Variants in RMST observed in about 807,000 individuals in gnomAD.
RMST encodes the protein rhabdomyosarcoma 2 associated transcript.
At chr12:97,481,587 C>G (rs994711126) in intron 5 of RMST, among the ~76,000 whole-genome samples, 1 of 151,994 alleles carries the variant, frequency 6.6e-6, no homozygotes, top group Non-Finnish European at 1.5e-5. Context: ...AAATACTACA[C>G]ATGCTATTTT....
intron 11 of RMST, among the ~76,000 whole-genome samples, chr12:97,559,088 T>TTTTCTC (rs111647408): frequency 6.8e-6 from 1 of 146,564 alleles, no homozygotes; most frequent in African/African-American, 2.5e-5. Context: ...ATTTCGAGGT[T>TTTTCTC]TCTCTCTCTC....
At chr12:97,503,816 G>A (rs1290001028) in intron 10 of RMST, among the ~76,000 whole-genome samples, 1 of 152,218 alleles carries the variant, frequency 6.6e-6, no homozygotes, top group African/African-American at 2.4e-5. Flanking sequence ...CTAGAATATT[G>A]CAGTTCAGAC....
chr12:97,520,020 ACTAT>A (rs745342075), intron 10 of RMST, among the ~76,000 whole-genome samples: 2 of 152,226 alleles, frequency 1.3e-5, no homozygotes, highest in Non-Finnish European at 2.9e-5. Flanking sequence ...GAAATTTTGC[ACTAT>A]CTACTTCTCT....
intron 11 of RMST, among the ~76,000 whole-genome samples, chr12:97,547,150 T>G (rs928405037): frequency 1.3e-5 from 2 of 150,520 alleles, no homozygotes; most frequent in African/African-American, 4.9e-5. Context: ...GACCTCCAGT[T>G]CAATCTATGT....
chr12:97,499,534 C>T (rs1877829813), intron 10 of RMST, among the ~76,000 whole-genome samples: 1 of 152,110 alleles, frequency 6.6e-6, no homozygotes, highest in African/African-American at 2.4e-5. Flanking sequence ...AAATAGAAGG[C>T]TCTGCCCATA....
At chr12:97,476,324 G>A (rs946900988) in intron 5 of RMST, among the ~76,000 whole-genome samples, 1 of 152,182 alleles carries the variant, frequency 6.6e-6, no homozygotes, top group Non-Finnish European at 1.5e-5. Flanking sequence ...CCATTTGCAG[G>A]ACACTGATAA....
intron 10 of RMST, among the ~76,000 whole-genome samples, chr12:97,500,115 C>T (rs914551485): frequency 6.6e-5 from 10 of 152,178 alleles, no homozygotes; most frequent in Non-Finnish European, 1.3e-4. Flanking sequence ...CTATTCTGTG[C>T]ATTCCCATGA....
intron 5 of RMST, among the ~76,000 whole-genome samples, chr12:97,469,672 A>G (rs1313383006): frequency 6.6e-6 from 1 of 152,080 alleles, no homozygotes; most frequent in African/African-American, 2.4e-5. Flanking sequence ...TTCAGGTGCC[A>G]TTAATTTTTC....
chr12:97,486,016 G>A (rs576228122), intron 5 of RMST, among the ~76,000 whole-genome samples: 32 of 152,276 alleles, frequency 2.1e-4, no homozygotes, highest in Admixed American at 1.4e-3. Context: ...AGATAGGTAC[G>A]CAGAATGCAT....
At chr12:97,542,924 T>A (rs935165836) in intron 11 of RMST, among the ~76,000 whole-genome samples, 10 of 151,978 alleles carry the variant, frequency 6.6e-5, no homozygotes, top group African/African-American at 2.4e-4. Flanking sequence ...GCTGAGAAGT[T>A]AATGAAGTTA....
At chr12:97,523,790 A>G (rs1880755643) in intron 10 of RMST, among the ~76,000 whole-genome samples, 1 of 152,134 alleles carries the variant, frequency 6.6e-6, no homozygotes, top group Admixed American at 6.5e-5. Flanking sequence ...AAGAATTCAC[A>G]TAACTGGCCG....
intron 5 of RMST, chr12:97,492,341 C>T (rs907205953): frequency 6.4e-6 from 1 of 155,538 alleles, no homozygotes; most frequent in Admixed American, 6.2e-5. Flanking sequence ...TTGTGGGAAA[C>T]ACGCTGCTCT....
intron 11 of RMST, chr12:97,541,369 G>C (rs1017481059): frequency 3.3e-5 from 5 of 151,642 alleles, no homozygotes; most frequent in African/African-American, 1.2e-4. Flanking sequence ...TAATAATACT[G>C]TTTTTCCACG....
intron 11 of RMST, among the ~76,000 whole-genome samples, chr12:97,535,602 C>G (rs2136604622): frequency 6.6e-6 from 1 of 151,770 alleles, no homozygotes; most frequent in South Asian, 2.1e-4. Context: ...AGTGGCACAG[C>G]CTGGTTTAGG....
intron 5 of RMST, among the ~76,000 whole-genome samples, chr12:97,480,234 C>T (rs543024678): frequency 3.3e-5 from 5 of 151,784 alleles, no homozygotes; most frequent in Non-Finnish European, 5.9e-5. Flanking sequence ...GGACTACAGG[C>T]GCCCACCACC....
At chr12:97,546,082 C>T (rs144875859) in intron 11 of RMST, among the ~76,000 whole-genome samples, 229 of 152,162 alleles carry the variant, frequency 1.5e-3, no homozygotes, top group African/African-American at 4.9e-3. Context: ...GAAGGAGATA[C>T]GCCTCAATCA....
intron 11 of RMST, among the ~76,000 whole-genome samples, chr12:97,554,603 T>G (rs1235727678): frequency 6.6e-6 from 1 of 152,152 alleles, no homozygotes. Flanking sequence ...ATTACTCATA[T>G]CTAACCAATA....
intron 11 of RMST, among the ~76,000 whole-genome samples, chr12:97,535,321 C>T (rs564485016): frequency 1.3e-5 from 2 of 151,650 alleles, no homozygotes; most frequent in South Asian, 4.1e-4. Flanking sequence ...TTACGCTATT[C>T]GTATTAAAAT....
At chr12:97,488,397 T>A (rs988068042) in intron 5 of RMST, among the ~76,000 whole-genome samples, 1 of 152,198 alleles carries the variant, frequency 6.6e-6, no homozygotes, top group Non-Finnish European at 1.5e-5. Flanking sequence ...CTACTCTCTT[T>A]GTCCCAGATG....
Sources: gnomAD v4.1 joint callset for allele counts (sites outside exome capture counted in the v4.1 genomes callset) on GRCh38, gnomAD v4.1.1 for gene constraint, MANE v1.5 for transcripts, NCBI Gene and HGNC (gene_info 2026-07-23, HGNC 2026-07-21) for gene names.